Variants in VPS52 observed in about 807,000 individuals in gnomAD.
VPS52 encodes the protein vacuolar protein sorting-associated protein 52 homolog.
VPS52 carries 56 observed loss-of-function variants against 98.7 expected under a neutral mutation model. The observed-to-expected ratio is 0.57, with a 90% CI of 0.46 to 0.71. VPS52 has a LOEUF of 0.71. VPS52 is among the 30% of genes least tolerant of loss of function. VPS52 has a pLI of 0.00. For missense variants in VPS52, 742 were observed against 925.9 expected, an observed-to-expected ratio of 0.80 and a Z score of 2.58; for synonymous variants, 348 against 346.4, an observed-to-expected ratio of 1.00 and a Z score of -0.05.
intron 17 of VPS52, among the ~76,000 whole-genome samples, chr6:33,256,028 C>T (rs761744236): frequency 1.3e-5 from 2 of 151,920 alleles, no homozygotes; most frequent in Non-Finnish European, 2.9e-5. Flanking sequence ...GAGTGTTAGC[C>T]AGTAGAATAA....
chr6:33,258,912 GA>G (rs924199561), intron 17 of VPS52, among the ~76,000 whole-genome samples: 32 of 148,672 alleles, frequency 2.2e-4, no homozygotes, highest in African/African-American at 3.2e-4. Context: ...CATTTTACAG[GA>G]AAAAAAAAAA....
chr6:33,271,900 C>G, upstream of VPS52: 1 of 1,123,068 alleles, frequency 8.9e-7, no homozygotes, highest in Non-Finnish European at 1.2e-6. Flanking sequence ...TCGCTGTTCT[C>G]TTACCTATGA....
At chr6:33,260,859 G>T (rs375900989) in intron 17 of VPS52, among the ~76,000 whole-genome samples, 1 of 152,010 alleles carries the variant, frequency 6.6e-6, no homozygotes, top group South Asian at 2.1e-4. Flanking sequence ...AAATTAGCTG[G>T]ACATGGTGGC....
intron 1 of VPS52, 113 bp downstream of exon 1, chr6:33,271,473 G>T: frequency 6.9e-7 from 1 of 1,450,390 alleles, no homozygotes; most frequent in Non-Finnish European, 9.5e-7. Context: ...GAGCCAAACA[G>T]GTAATATCAC....
rs1764654879 is a variant in VPS52, at chr6:33,268,839, C to T, written c.548+175G>A. On this transcript the variant is annotated intron_variant, in intron 6 of 19. Transcript: ENST00000445902. This position sits in a 1 kb window ranked among gnomAD's most constrained non-coding sequence, Gnocchi z 4.0. ...ACTATACACCTGATCTTACATCATTCTTAATCTTAATCTTTGATGCCTAAT... is the reference window on the plus strand; with the variant it reads ...ACTATACACCTGATCTTACATCATTTTTAATCTTAATCTTTGATGCCTAAT... Among the ~76,000 whole-genome samples the T allele has an allele frequency of 3.3e-5, 5 of 152,036 alleles. No homozygotes were observed. The South Asian group carries it at 1.0e-3, about 32-fold the overall frequency.
chr6:33,264,291 C>A lies in VPS52; in HGVS notation c.1524+83G>T. On this transcript the variant is annotated intron_variant, in intron 14 of 19. Coordinates refer to ENST00000445902, the MANE Select transcript of VPS52 (RefSeq NM_022553.6). ...CCTGCTCATAGCGTGGCCCATGACA[C>A]AACTGTGACCTTGGCCAACCCCCAC... is the stretch of plus-strand genomic sequence containing the variant. 2 of 1,585,586 alleles carry A rather than the reference C, an allele frequency of 1.3e-6. 1 individual carries two copies. Among genetic ancestry groups the A allele is most frequent in the South Asian group, 2.3e-5 (2 of 85,518 alleles).
chr6:33,264,534 G>A (rs1581600366), intron 13 of VPS52, 37 bp from the exon 14 acceptor site: 2 of 1,612,834 alleles, frequency 1.2e-6, no homozygotes, highest in Non-Finnish European at 1.7e-6. Flanking sequence ...CAGCCAGCAA[G>A]GAATGTTGGA....
At position 33,267,808 on chromosome 6, in the gene VPS52, G is replaced by C; in HGVS notation, c.933+57C>G. On this transcript the variant is annotated intron_variant, in intron 9 of 19. Coordinates refer to ENST00000445902, the MANE Select transcript of VPS52 (RefSeq NM_022553.6). This position sits in a 1 kb window ranked among gnomAD's most constrained non-coding sequence, Gnocchi z 4.2. ...ACACAATAAAATATTCCTTGCCCAG[G>C]GATGTCCCCTCCTCCCAGTCCATGT... is the stretch of plus-strand genomic sequence containing the variant. 1 of 1,612,850 alleles carries C rather than the reference G, an allele frequency of 6.2e-7. No individual in the cohort carries two copies. The highest frequency in any genetic ancestry group is 8.5e-7 in the Non-Finnish European group (1 of 1,179,962).
Position 33,266,584 on chromosome 6 carries a change from G to A in VPS52, c.1254C>T (p.Val418=), listed in dbSNP as rs1764338252. The A allele has an allele frequency of 6.2e-7, 1 of 1,611,952 alleles. No homozygotes were observed. Among genetic ancestry groups the A allele is most frequent in the Non-Finnish European group, 8.5e-7 (1 of 1,179,466 alleles). ...GPAAHDLFHA[V]MGRTLSMTLK... ...GGGTCATGCTGAGTGTACGGCCCAT[G>A]ACAGCATGGAACAGGTCGTGTGCAG... Residue 418 remains valine (V), a synonymous_variant, in exon 12 of 20, where the codon GTC becomes GTT. Transcript: ENST00000445902.
At chr6:33,264,149 C>T in intron 14 of VPS52, 46 bp from the exon 15 acceptor site, 1 of 1,604,326 alleles carries the variant, frequency 6.2e-7, no homozygotes, top group Non-Finnish European at 8.5e-7. Context: ...CCTGGCCCAA[C>T]CAACACAACC....
intron 17 of VPS52, among the ~76,000 whole-genome samples, chr6:33,262,040 CAA>C (rs9257102): frequency 7.2e-4 from 11 of 15,374 alleles, no homozygotes; most frequent in African/African-American, 2.1e-3. Context: ...AACTCCATCT[CAA>C]AAAAAAAAAA....
At chr6:33,262,040 CAAAAA>C (rs9257102) in intron 17 of VPS52, among the ~76,000 whole-genome samples, 2 of 15,362 alleles carry the variant, frequency 1.3e-4, no homozygotes, top group Admixed American at 8.8e-4. Context: ...AACTCCATCT[CAAAAA>C]AAAAAAAAAA....
rs1764488747 is a variant in VPS52, at chr6:33,267,578, T to C, written c.991+104A>G. On this transcript the variant is annotated intron_variant, in intron 10 of 19. Transcript: ENST00000445902. The surrounding 1 kb of genome is among the most constrained non-coding windows in gnomAD (Gnocchi z 4.2). Reference sequence around the variant, plus strand: ...ATAGCTTTCATCACATTCTAAAAGGTTTCAGTCCCATAGGAAAAGGTAAGG... The same window carrying C: ...ATAGCTTTCATCACATTCTAAAAGGCTTCAGTCCCATAGGAAAAGGTAAGG... 1.4e-6 allele frequency: 2 copies of C among 1,396,660 alleles called. No homozygotes were observed. Among genetic ancestry groups the C allele is most frequent in the Non-Finnish European group, 2.0e-6 (2 of 1,007,874 alleles). 86.5% of individuals were successfully genotyped at this position (1,396,660 alleles called of 1,614,324 possible).
intron 17 of VPS52, among the ~76,000 whole-genome samples, chr6:33,255,436 C>G (rs1424828349): frequency 6.9e-6 from 1 of 145,718 alleles, no homozygotes; most frequent in Non-Finnish European, 1.5e-5. Context: ...GCAGCTAGAA[C>G]TACAAATGCA....
chr6:33,269,420 TA>T, intron 5 of VPS52, 69 bp downstream of exon 5: 1 of 1,601,386 alleles, frequency 6.2e-7, no homozygotes. Flanking sequence ...GCTGATGACC[TA>T]AAAATGGCAC....
chr6:33,251,948 A>G lies in VPS52; in HGVS notation c.1818T>C (p.Ser606=). The part of the protein sequence containing the change: ...RTQEFIEELL[S]PPFGGLVAFV... ...ATGCCACTAAACCCCCAAAAGGGGG[A>G]GACAGCAACTCTTCAATGAATTCCT... Residue 606 remains serine, a synonymous_variant, in exon 18 of 20, where the codon TCT becomes TCC. Coordinates refer to ENST00000445902, the MANE Select transcript of VPS52 (RefSeq NM_022553.6). 6.2e-7 allele frequency: 1 copy of G among 1,613,088 alleles called. No homozygotes were observed. Among genetic ancestry groups the G allele is most frequent in the Admixed American group, 1.7e-5 (1 of 59,992 alleles).
intron 12 of VPS52, among the ~76,000 whole-genome samples, chr6:33,265,364 C>T (rs751824098): frequency 2.0e-5 from 3 of 152,124 alleles, no homozygotes; most frequent in Non-Finnish European, 4.4e-5. Flanking sequence ...GTGTGAGCCA[C>T]TGCACCCGGT....
At chr6:33,251,131 C>A in intron 19 of VPS52, 144 bp from the exon 20 acceptor site, 1 of 1,164,706 alleles carries the variant, frequency 8.6e-7, no homozygotes, top group South Asian at 1.3e-5. Context: ...ATCACGAGGT[C>A]AGGAATTCGA....
chr6:33,254,550 G>T (rs1035840265), intron 17 of VPS52: 1 of 152,142 alleles, frequency 6.6e-6, no homozygotes, highest in Admixed American at 6.5e-5. Flanking sequence ...CCAAAGAAAA[G>T]TTGAACTAAC....
Sources: gnomAD v4.1 joint callset for allele counts (sites outside exome capture counted in the v4.1 genomes callset) on GRCh38, gnomAD v4.1.1 for gene constraint, Gnocchi (gnomAD v3.1) non-coding constraint, MANE v1.5 for transcripts, NCBI Gene and HGNC (gene_info 2026-07-23, HGNC 2026-07-21) for gene names.